The following PRIM2 variants were observed in gnomAD, a reference collection of about 807,000 sequenced individuals.
The protein encoded by PRIM2 is DNA primase large subunit.
A neutral mutation model predicts 67.3 loss-of-function variants in PRIM2; 39 were observed. That is an observed-to-expected ratio of 0.58 (90% CI 0.45 to 0.76). The LOEUF (loss-of-function observed/expected upper bound fraction) is 0.76. Among genes scored for constraint, PRIM2 ranks in the 30% least tolerant of loss-of-function variants. The probability of loss-of-function intolerance (pLI) is 0.00; values close to 1 mark genes in which losing one functional copy is unlikely to be tolerated. For synonymous variants in PRIM2, 143 were observed against 198.7 expected (o/e 0.72, Z 2.36); for missense variants, 398 against 598.7 (o/e 0.66, Z 3.50).
intron 5 of PRIM2, chr6:57,326,393 C>T (rs186153819): frequency 3.1e-4 from 54 of 172,406 alleles, no homozygotes; most frequent in Non-Finnish European, 8.5e-5. Context: ...TATTTATAGT[C>T]GTGAAATTTA....
chr6:57,436,026 A>T (rs573327795), intron 7 of PRIM2, among the ~76,000 whole-genome samples: 1 of 152,312 alleles, frequency 6.6e-6, no homozygotes, highest in African/African-American at 2.4e-5. Context: ...TTCGTTGATA[A>T]AATTAGTTCT....
chr6:57,261,340 GGT>G, the PRIM2 span, among the ~76,000 whole-genome samples: 74 of 152,242 alleles, frequency 4.9e-4, no homozygotes, highest in African/African-American at 1.7e-3. Flanking sequence ...GCAAGAGCTG[GGT>G]CCATAGAAGA....
intron 5 of PRIM2, among the ~76,000 whole-genome samples, chr6:57,371,433 C>T (rs1477599127): frequency 6.6e-6 from 1 of 152,160 alleles, no homozygotes; most frequent in African/African-American, 2.4e-5. Flanking sequence ...TTAGGACAAA[C>T]ATCTGTATGT....
intron 7 of PRIM2, among the ~76,000 whole-genome samples, chr6:57,389,336 A>T (rs866703598): frequency 2.0e-5 from 3 of 152,108 alleles, no homozygotes; most frequent in Admixed American, 6.5e-5. Context: ...GTTGGTCTAG[A>T]ACTCCTGTGT....
At chr6:57,225,338 A>T in the PRIM2 span, among the ~76,000 whole-genome samples, 4 of 152,192 alleles carry the variant, frequency 2.6e-5, no homozygotes, top group Non-Finnish European at 4.4e-5. Context: ...AGTGCAATTA[A>T]AGTCTACTTT....
intron 5 of PRIM2, among the ~76,000 whole-genome samples, chr6:57,354,768 T>C (rs1231354270): frequency 6.6e-6 from 1 of 152,352 alleles, no homozygotes; most frequent in Admixed American, 6.5e-5. Context: ...GATTCACAAA[T>C]GCTGTGCATC....
At chr6:57,520,107 G>A (rs1395401130) in intron 8 of PRIM2, among the ~76,000 whole-genome samples, 7 of 152,212 alleles carry the variant, frequency 4.6e-5, no homozygotes, top group Non-Finnish European at 7.3e-5. Flanking sequence ...AGGAAAGGAT[G>A]TAATGTGACT....
At chr6:57,297,930 C>T in the PRIM2 span, among the ~76,000 whole-genome samples, 3 of 152,130 alleles carry the variant, frequency 2.0e-5, no homozygotes, top group African/African-American at 4.8e-5. Context: ...CTAAATGCAA[C>T]GCGGGATCAT....
intron 10 of PRIM2, among the ~76,000 whole-genome samples, chr6:57,572,184 A>G (rs1259674118): frequency 1.3e-5 from 2 of 152,304 alleles, no homozygotes; most frequent in Admixed American, 1.3e-4. Context: ...TAATTAATGA[A>G]CAAGATGCTG....
At chr6:57,370,298 CT>C (rs1430558555) in intron 5 of PRIM2, among the ~76,000 whole-genome samples, 1 of 152,018 alleles carries the variant, frequency 6.6e-6, no homozygotes, top group Non-Finnish European at 1.5e-5. Flanking sequence ...ATGAAATATC[CT>C]TATATTTTGT....
intron 7 of PRIM2, among the ~76,000 whole-genome samples, chr6:57,427,329 C>CT (rs1198522188): frequency 3.3e-5 from 5 of 152,040 alleles, no homozygotes; most frequent in African/African-American, 1.2e-4. Flanking sequence ...TTATTCAATT[C>CT]TTTTTTCTTT....
chr6:57,400,340 T>C (rs569647542), intron 7 of PRIM2, among the ~76,000 whole-genome samples: 1 of 152,352 alleles, frequency 6.6e-6, no homozygotes, highest in Admixed American at 6.5e-5. Flanking sequence ...AAAAGGATCA[T>C]ATTTCTCCTT....
At chr6:57,620,805 A>G (rs1776839210) in intron 12 of PRIM2, among the ~76,000 whole-genome samples, 1 of 152,288 alleles carries the variant, frequency 6.6e-6, no homozygotes, top group African/African-American at 2.4e-5. Context: ...ATGAGAACTC[A>G]TCAACCAACA....
At chr6:57,410,793 C>T (rs1350516577) in intron 7 of PRIM2, among the ~76,000 whole-genome samples, 1 of 152,064 alleles carries the variant, frequency 6.6e-6, no homozygotes, top group Non-Finnish European at 1.5e-5. Context: ...TGAGAGTGTG[C>T]ATTCTTGTCT....
At chr6:57,600,248 G>A (rs1404597552) in intron 10 of PRIM2, among the ~76,000 whole-genome samples, 1 of 152,054 alleles carries the variant, frequency 6.6e-6, no homozygotes, top group East Asian at 1.9e-4. Context: ...TGAACATGGA[G>A]GCAAGGATTC....
At chr6:57,449,412 A>G (rs1231516431) in intron 7 of PRIM2, among the ~76,000 whole-genome samples, 3 of 152,128 alleles carry the variant, frequency 2.0e-5, no homozygotes, top group Non-Finnish European at 4.4e-5. Context: ...CCTTGTAAGG[A>G]GAATAAAATG....
chr6:57,379,815 C>G, intron 5 of PRIM2, 86 bp from the exon 6 acceptor site: 1 of 1,184,444 alleles, frequency 8.4e-7, no homozygotes, highest in Non-Finnish European at 1.1e-6. Flanking sequence ...TAAAAGTAAA[C>G]AGTATTCATT....
chr6:57,241,837 T>A, the PRIM2 span, among the ~76,000 whole-genome samples: 52 of 149,554 alleles, frequency 3.5e-4, no homozygotes, highest in Admixed American at 3.3e-3. Flanking sequence ...CACGCCTGGC[T>A]AATTTTTTGT....
At chr6:57,273,327 T>C in the PRIM2 span, among the ~76,000 whole-genome samples, 3 of 152,242 alleles carry the variant, frequency 2.0e-5, no homozygotes, top group Non-Finnish European at 1.5e-5. Context: ...TGTTCATTTC[T>C]TTTTATTCTG....
Sources: allele counts gnomAD v4.1 joint callset (sites outside exome capture counted in the v4.1 genomes callset), GRCh38; gene constraint gnomAD v4.1.1; transcripts MANE v1.5; gene names NCBI Gene and HGNC (gene_info 2026-07-23, HGNC 2026-07-21).